ODC1: variants seen among roughly 807,000 people sequenced by gnomAD.
The protein encoded by ODC1 is ornithine decarboxylase 1.
ODC1 carries 18 observed loss-of-function variants against 41.5 expected under a neutral mutation model. The observed-to-expected ratio is 0.43, with a 90% CI of 0.30 to 0.64. The LOEUF (loss-of-function observed/expected upper bound fraction) is 0.64, where lower values mean the gene tolerates loss of function less well. Among genes scored for constraint, ODC1 ranks in the 30% least tolerant of loss-of-function variants. The pLI is 0.11. For synonymous variants in ODC1, 218 were observed against 211.6 expected (o/e 1.03, Z -0.26); for missense variants, 504 against 589.0 (o/e 0.86, Z 1.49).
intron 1 of ODC1, chr2:10,446,822 C>T (rs553086215): frequency 6.4e-5 from 21 of 328,544 alleles, no homozygotes; most frequent in Admixed American, 6.1e-4. Flanking sequence ...CCCAGGGTGA[C>T]GGGCCTGTCA....
chr2:10,441,108 A>G (rs1167777090), intron 11 of ODC1, among the ~76,000 whole-genome samples: 1 of 151,996 alleles, frequency 6.6e-6, no homozygotes, highest in Admixed American at 6.6e-5. Context: ...GCCCACTACC[A>G]TGGCCAACTA....
Position 10,443,333 on chromosome 2 carries a change from T to C in ODC1, c.667-20A>G. 1 of 1,605,240 alleles carries C rather than the reference T, an allele frequency of 6.2e-7. No homozygotes were observed. Among genetic ancestry groups the C allele is most frequent in the South Asian group, 1.1e-5 (1 of 90,024 alleles). ...CTCAGCCTAGAATCAAGAAAATAAGTCAGCCAGATCCACAGCTAATAACAA... is the reference window on the plus strand; with the variant it reads ...CTCAGCCTAGAATCAAGAAAATAAGCCAGCCAGATCCACAGCTAATAACAA... On this transcript the variant is annotated intron_variant, in intron 7 of 11. Transcript: ENST00000234111.
intron 11 of ODC1, 149 bp downstream of exon 11, chr2:10,441,360 C>T: frequency 1.3e-6 from 1 of 754,764 alleles, no homozygotes; most frequent in Non-Finnish European, 2.1e-6. Context: ...GAAATACACT[C>T]ATCAGTCTTT....
intron 2 of ODC1, 30 bp from the exon 3 acceptor site, chr2:10,445,079 G>T: frequency 8.4e-7 from 1 of 1,195,674 alleles, no homozygotes; most frequent in Non-Finnish European, 1.3e-6. Flanking sequence ...AAATAGAGTG[G>T]AGAAATTCAC....
In ODC1 at chr2:10,444,653, A is replaced by G; in HGVS notation, c.103-6T>C. 6.2e-7 allele frequency: 1 copy of G among 1,609,616 alleles called. No homozygotes were observed. Among genetic ancestry groups the G allele is most frequent in the Non-Finnish European group, 8.5e-7 (1 of 1,177,674 alleles). On this transcript the variant is annotated splice_region_variant and splice_polypyrimidine_tract_variant and intron_variant, in intron 3 of 11. Transcript: ENST00000234111. ...TAGAAGGCATCCTTATCATCCTGAA[A>G]CAAGAGTGGTCACAGGTGACTCACT... is the stretch of plus-strand genomic sequence containing the variant.
chr2:10,445,086 T>C, intron 2 of ODC1, 37 bp from the exon 3 acceptor site: 3 of 1,086,460 alleles, frequency 2.8e-6, no homozygotes, highest in Admixed American at 1.7e-5. Context: ...GTGGAGAAAT[T>C]CACTTAGAAG....
In ODC1 at chr2:10,440,333, C is replaced by T. The variant is rs16856239; in HGVS notation, c.*391G>A. ...TCTCTGAGAATCAGAGCGAGCTATA[C>T]GGGATTCGTGAACTGTCTGGAATGA... On this transcript the variant is annotated 3_prime_UTR_variant, in exon 12 of 12. Coordinates refer to ENST00000234111, the MANE Select transcript of ODC1 (RefSeq NM_002539.3). The T allele has an allele frequency of 0.033, 5,507 of 166,740 alleles. 377 individuals carry two copies. Among genetic ancestry groups the T allele is most frequent in the African/African-American group, 0.13 (5,237 of 41,660 alleles). The allele number at this position is 166,740 out of a possible 1,614,324, so 10.3% of individuals were successfully genotyped here.
Position 10,441,996 on chromosome 2 carries a change from C to T in ODC1, c.913+16G>A, listed in dbSNP as rs755674935. The T allele has an allele frequency of 5.6e-6, 9 of 1,612,960 alleles. No individual in the cohort carries two copies. Among genetic ancestry groups the T allele is most frequent in the East Asian group, 4.5e-5 (2 of 44,868 alleles). On this transcript the variant is annotated intron_variant, in intron 9 of 11. Transcript: ENST00000234111. ...GCTTTCAGTTATACATGAAGTGATT[C>T]GTCCTTTATACATACCATCAGAGCC...
intron 8 of ODC1, 39 bp downstream of exon 8, chr2:10,443,191 A>G (rs1671889053): frequency 1.4e-6 from 2 of 1,477,968 alleles, no homozygotes; most frequent in Non-Finnish European, 1.9e-6. Flanking sequence ...GGAATTTATT[A>G]GAACGGCTAC....
chr2:10,444,445 C>A, intron 4 of ODC1, 29 bp downstream of exon 4: 1 of 1,574,872 alleles, frequency 6.3e-7, no homozygotes, highest in Non-Finnish European at 8.6e-7. Context: ...TTTTATACAA[C>A]GCTTTTGAGG....
Position 10,443,229 on chromosome 2 carries a change from C to T in ODC1, c.750+1G>A, listed in dbSNP as rs1393413682. Reference sequence around the variant, plus strand: ...AGTATTACAGTTTTGTTCTAAATTACCTCTTCAAATTTAAGTTTCACATCC... The same window carrying T: ...AGTATTACAGTTTTGTTCTAAATTATCTCTTCAAATTTAAGTTTCACATCC... On this transcript the variant is annotated splice_donor_variant, in intron 8 of 11. Coordinates refer to ENST00000234111, the MANE Select transcript of ODC1 (RefSeq NM_002539.3). LOFTEE classifies it high-confidence loss of function. 1 of 1,606,346 alleles carries T rather than the reference C, an allele frequency of 6.2e-7. No homozygotes were observed. Among genetic ancestry groups the T allele is most frequent in the African/African-American group, 1.3e-5 (1 of 74,374 alleles).
Position 10,440,685 on chromosome 2 carries a change from T to G in ODC1, c.*39A>C, listed in dbSNP as rs781725358. 4 of 1,598,088 alleles carry G rather than the reference T, an allele frequency of 2.5e-6. No individual in the cohort carries two copies. Among genetic ancestry groups the G allele is most frequent in the Non-Finnish European group, 2.6e-6 (3 of 1,169,180 alleles). On this transcript the variant is annotated 3_prime_UTR_variant, in exon 12 of 12. Coordinates refer to ENST00000234111, the MANE Select transcript of ODC1 (RefSeq NM_002539.3). ...ACATGGTCCCCCCAAATCCCTTAAT[T>G]CAAGCTAAACTTGCAGTTAACAGCT...
rs1198716229 is a variant in ODC1 at position 10,441,496 on chromosome 2, A to G, written c.1241+13T>C. ...ATTCTTGGCAGCACCATCAACATGC[A>G]TGGCTTACTTACCACGCAGGCCCTG... On this transcript the variant is annotated intron_variant, in intron 11 of 11. Coordinates refer to ENST00000234111, the MANE Select transcript of ODC1 (RefSeq NM_002539.3). 4 of 1,611,776 alleles carry G rather than the reference A, an allele frequency of 2.5e-6. No homozygotes were observed. Among genetic ancestry groups the G allele is most frequent in the African/African-American group, 1.3e-5 (1 of 74,904 alleles).
intron 1 of ODC1, among the ~76,000 whole-genome samples, chr2:10,447,278 GAA>G: frequency 6.6e-6 from 1 of 152,320 alleles, no homozygotes; most frequent in Non-Finnish European, 1.5e-5. Flanking sequence ...GATAATGTTA[GAA>G]GAGATAGGGG....
At chr2:10,445,845 A>AGGTG (rs755745765) in intron 1 of ODC1, among the ~76,000 whole-genome samples, 253 of 152,244 alleles carry the variant, frequency 1.7e-3, no homozygotes, top group Middle Eastern at 0.01. Context: ...CACGTTGTCC[A>AGGTG]GGTGGGTCTC....
At chr2:10,445,971 A>C (rs1037119220) in intron 1 of ODC1, among the ~76,000 whole-genome samples, 3 of 152,094 alleles carry the variant, frequency 2.0e-5, no homozygotes, top group African/African-American at 7.2e-5. Context: ...TCTTAGAATG[A>C]TTTTTACTGA....
At chr2:10,445,841 G>A (rs1166526044) in intron 1 of ODC1, among the ~76,000 whole-genome samples, 1 of 152,050 alleles carries the variant, frequency 6.6e-6, no homozygotes, top group Non-Finnish European at 1.5e-5. Context: ...TCACCACGTT[G>A]TCCAGGTGGG....
intron 4 of ODC1, 88 bp from the exon 5 acceptor site, chr2:10,444,355 C>A (rs1671942234): frequency 2.6e-6 from 4 of 1,510,022 alleles, no homozygotes; most frequent in African/African-American, 1.4e-5. Context: ...CATGTACCCC[C>A]CCGCCCCATT....
rs377608345 is a variant in ODC1, at chr2:10,442,005, T to C, written c.913+7A>G. ...TATACATGAAGTGATTCGTCCTTTA[T>C]ACATACCATCAGAGCCCGTCTGTTC... On this transcript the variant is annotated splice_region_variant and intron_variant, in intron 9 of 11. Transcript: ENST00000234111. 50 of 1,613,494 alleles carry C rather than the reference T, an allele frequency of 3.1e-5. No homozygotes were observed. The highest frequency in any genetic ancestry group is 3.6e-5 in the Non-Finnish European group (42 of 1,179,594).
Sources: allele counts gnomAD v4.1 joint callset (sites outside exome capture counted in the v4.1 genomes callset), GRCh38; gene constraint gnomAD v4.1.1; transcripts MANE v1.5; gene names NCBI Gene and HGNC (gene_info 2026-07-23, HGNC 2026-07-21).